The following YARS1 variants were observed in gnomAD, a reference collection of about 807,000 sequenced individuals.
YARS1 encodes tyrosine--tRNA ligase, cytoplasmic.
Under a neutral mutation model 62.2 loss-of-function variants are expected in YARS1, and 36 were observed. That is an observed-to-expected ratio of 0.58 (90% CI 0.44 to 0.76). The LOEUF is 0.76. Ranked by LOEUF, YARS1 falls within the 30% of genes least tolerant of loss-of-function variation. YARS1 has a pLI of 0.00. For synonymous variants in YARS1, 234 were observed against 244.9 expected, an observed-to-expected ratio of 0.96 and a Z score of 0.42; for missense variants, 524 against 639.8, an observed-to-expected ratio of 0.82 and a Z score of 1.95.
chr1:32,780,756 G>A (rs1653025759), intron 10 of YARS1: 4 of 477,752 alleles, frequency 8.4e-6, no homozygotes, highest in Non-Finnish European at 1.5e-5. Context: ...AGCTAGTCCA[G>A]GCAAGCCGAT....
At chr1:32,795,002 CAAA>C (rs71278770) in intron 5 of YARS1, among the ~76,000 whole-genome samples, 5 of 22,868 alleles carry the variant, frequency 2.2e-4, no homozygotes, top group Non-Finnish European at 2.3e-4. Flanking sequence ...GACTCTGTCT[CAAA>C]AAAAAAAAAA....
intron 5 of YARS1, among the ~76,000 whole-genome samples, chr1:32,792,998 TG>T (rs773028801): frequency 4.0e-5 from 6 of 150,772 alleles, no homozygotes; most frequent in Admixed American, 1.3e-4. Flanking sequence ...ACAAAATGGA[TG>T]AAAGAGAATT....
chr1:32,805,826 G>A lies in YARS1; in HGVS notation c.510+656C>T, dbSNP rs138087861. Among the ~76,000 whole-genome samples, 1,165 of 152,248 alleles carry A rather than the reference G, an allele frequency of 7.7e-3. 14 individuals are homozygous for A. Among genetic ancestry groups the A allele is most frequent in the African/African-American group, 0.026 (1,081 of 41,538 alleles). ...AATACAAAAAAAATCAGCCGGGCAT[G>A]GTGGCAGGCGCCTGTAATCCCAGCT... On this transcript the variant is annotated intron_variant, in intron 4 of 12. Transcript: ENST00000373477.
chr1:32,794,195 C>T (rs1467117242), intron 5 of YARS1, among the ~76,000 whole-genome samples: 1 of 151,906 alleles, frequency 6.6e-6, no homozygotes, highest in Non-Finnish European at 1.5e-5. Flanking sequence ...ACTAAAAATA[C>T]AAAAATTAGC....
intron 1 of YARS1, among the ~76,000 whole-genome samples, chr1:32,812,489 T>C (rs1476318105): frequency 6.6e-6 from 1 of 152,220 alleles, no homozygotes. Flanking sequence ...CCAAAAGATA[T>C]TTCTTTGACA....
At chr1:32,791,331 G>A in intron 5 of YARS1, 77 bp from the exon 6 acceptor site, 2 of 1,115,372 alleles carry the variant, frequency 1.8e-6, no homozygotes, top group Non-Finnish European at 1.4e-6. Flanking sequence ...ATCTGACTTG[G>A]CCAGCAACTG....
Position 32,817,256 on chromosome 1 carries a change from C to A in YARS1, c.-12G>T. 1 of 1,613,928 alleles carries A rather than the reference C, an allele frequency of 6.2e-7. No homozygotes were observed. Among genetic ancestry groups the A allele is most frequent in the Non-Finnish European group, 8.5e-7 (1 of 1,179,982 alleles). On this transcript the variant is annotated 5_prime_UTR_variant, in exon 1 of 13. Coordinates refer to ENST00000373477, the MANE Select transcript of YARS1 (RefSeq NM_003680.4). ...GGAGCGTCCCCCATGGCTCCGCTAC[C>A]CCTGCTTCCCCCGCTCAGCCCGGCA...
intron 4 of YARS1, among the ~76,000 whole-genome samples, chr1:32,798,973 T>A (rs1310606119): frequency 6.6e-6 from 1 of 152,214 alleles, no homozygotes; most frequent in Non-Finnish European, 1.5e-5. Context: ...GAGAGACATG[T>A]AAACAGATCA....
Position 32,817,302 on chromosome 1 carries a change from A to T in YARS1, c.-58T>A. ...CGGCACCAGAGCCCCTTCCTGGGTCACCGTCGCCGCCGCGTGCCGGGAACT... is the reference window on the plus strand; with the variant it reads ...CGGCACCAGAGCCCCTTCCTGGGTCTCCGTCGCCGCCGCGTGCCGGGAACT... On this transcript the variant is annotated 5_prime_UTR_variant, in exon 1 of 13. It removes the in-frame stop codon of an upstream open reading frame in the 5' UTR. Coordinates refer to ENST00000373477, the MANE Select transcript of YARS1 (RefSeq NM_003680.4). 4 of 1,604,068 alleles carry T rather than the reference A, an allele frequency of 2.5e-6. No individual in the cohort carries two copies. The highest frequency in any genetic ancestry group is 3.4e-6 in the Non-Finnish European group (4 of 1,173,706).
chr1:32,811,142 G>A, intron 1 of YARS1, 85 bp from the exon 2 acceptor site: 2 of 1,596,110 alleles, frequency 1.3e-6, no homozygotes, highest in Non-Finnish European at 1.7e-6. Context: ...ACAACAGCAT[G>A]TGTCAGTGGA....
chr1:32,795,192 G>A (rs1347514257), intron 5 of YARS1, among the ~76,000 whole-genome samples: 2 of 151,038 alleles, frequency 1.3e-5, no homozygotes, highest in Non-Finnish European at 1.5e-5. Context: ...GGTGGCGGGC[G>A]CCTGTAGTCC....
intron 4 of YARS1, among the ~76,000 whole-genome samples, chr1:32,805,169 A>G (rs1325984122): frequency 7.1e-6 from 1 of 141,160 alleles, no homozygotes; most frequent in Non-Finnish European, 1.5e-5. Flanking sequence ...GTGAGCCAAG[A>G]TGGCGGCAGT....
At chr1:32,808,590 T>G (rs908426313) in intron 3 of YARS1, among the ~76,000 whole-genome samples, 3 of 152,214 alleles carry the variant, frequency 2.0e-5, no homozygotes, top group Non-Finnish European at 4.4e-5. Flanking sequence ...CCAAATTTTC[T>G]TAAGTTCTTG....
intron 4 of YARS1, among the ~76,000 whole-genome samples, chr1:32,800,365 C>T (rs1489543316): frequency 1.3e-5 from 2 of 151,852 alleles, no homozygotes; most frequent in Non-Finnish European, 2.9e-5. Flanking sequence ...AAGGGCTAGA[C>T]GTGTTGGCTT....
intron 8 of YARS1, among the ~76,000 whole-genome samples, chr1:32,785,270 G>A (rs1309339970): frequency 6.6e-6 from 1 of 152,090 alleles, no homozygotes; most frequent in African/African-American, 2.4e-5. Flanking sequence ...GACCAGCCTG[G>A]CCAACATGGT....
At chr1:32,816,563 C>G (rs1638740413) in intron 1 of YARS1, among the ~76,000 whole-genome samples, 1 of 152,164 alleles carries the variant, frequency 6.6e-6, no homozygotes, top group South Asian at 2.1e-4. Flanking sequence ...CATAACTTTG[C>G]TCACTCCACT....
At chr1:32,799,666 T>C (rs535874211) in intron 4 of YARS1, among the ~76,000 whole-genome samples, 2 of 152,370 alleles carry the variant, frequency 1.3e-5, no homozygotes, top group East Asian at 3.9e-4. Flanking sequence ...ATGTCTGTGC[T>C]GTCCAATATA....
At chr1:32,786,504 GCATGACTATTCCTAGCCCA>G in intron 7 of YARS1, 57 bp from the exon 8 acceptor site, 2 of 1,024,768 alleles carry the variant, frequency 2.0e-6, no homozygotes, top group South Asian at 3.9e-5. Context: ...TAGCTCACAT[GCATGACTATTCCTAGCCCA>G]CATGCATGAC....
chr1:32,803,537 T>C (rs1158757895), intron 4 of YARS1, among the ~76,000 whole-genome samples: 1 of 152,226 alleles, frequency 6.6e-6, no homozygotes, highest in Non-Finnish European at 1.5e-5. Context: ...AGAGTCAGCC[T>C]GTCCTTTGAA....
Sources: allele counts gnomAD v4.1 joint callset (sites outside exome capture counted in the v4.1 genomes callset), GRCh38; gene constraint gnomAD v4.1.1; transcripts MANE v1.5; gene names NCBI Gene and HGNC (gene_info 2026-07-23, HGNC 2026-07-21).